The following MAD2L1BP variants were observed in gnomAD, a reference collection of about 807,000 sequenced individuals.
MAD2L1BP encodes the protein MAD2L1 binding protein.
Under a neutral mutation model 28.4 loss-of-function variants are expected in MAD2L1BP, and 22 were observed. That is an observed-to-expected ratio of 0.77 (90% CI 0.55 to 1.10). The LOEUF (loss-of-function observed/expected upper bound fraction) is 1.10. Ranked by LOEUF, MAD2L1BP falls within the 50% of genes least tolerant of loss-of-function variation. The pLI, the probability that MAD2L1BP is intolerant of heterozygous loss-of-function variation, is 0.00. For missense variants in MAD2L1BP, 325 were observed against 350.5 expected, an observed-to-expected ratio of 0.93 and a Z score of 0.58; for synonymous variants, 146 against 133.7, an observed-to-expected ratio of 1.09 and a Z score of -0.63.
chr6:43,638,148 T>C (rs1770355409), intron 2 of MAD2L1BP, among the ~76,000 whole-genome samples: 1 of 152,084 alleles, frequency 6.6e-6, no homozygotes, highest in Non-Finnish European at 1.5e-5. Context: ...TCCGCCCGCC[T>C]TGGCCTCCCA....
rs148955961 is a variant in MAD2L1BP at position 43,640,224 on chromosome 6, G to A, written c.516G>A (p.Leu172=). Residue 172 remains leucine, a synonymous_variant, in exon 3 of 3, where the codon CTG becomes CTA. Transcript: ENST00000372171. ...TCTATGAACTCGACTTGTCTCTGCT[G>A]GCCCCCTACAGCGTGGACCAGAGCC... The part of the protein sequence containing the change: ...KEFYELDLSL[L]APYSVDQSLS... 3 of 1,613,950 alleles carry A rather than the reference G, an allele frequency of 1.9e-6. No individual in the cohort carries two copies. Among genetic ancestry groups the A allele is most frequent in the African/African-American group, 2.7e-5 (2 of 75,038 alleles).
chr6:43,636,361 T>A lies in MAD2L1BP; in HGVS notation c.47-20T>A. The A allele has an allele frequency of 3.7e-6, 6 of 1,612,422 alleles. No individual in the cohort carries two copies. The highest frequency in any genetic ancestry group is 5.1e-6 in the Non-Finnish European group (6 of 1,178,988). ...TTAGGTTTTTAATTTTTCTCTCTTG[T>A]CCCTCTTTTCATCTACCAGATTTGG... On this transcript the variant is annotated intron_variant, in intron 1 of 2. Coordinates refer to ENST00000372171, the MANE Select transcript of MAD2L1BP (RefSeq NM_014628.3).
intron 2 of MAD2L1BP, among the ~76,000 whole-genome samples, chr6:43,637,141 T>A (rs1770273756): frequency 6.6e-6 from 1 of 152,210 alleles, no homozygotes; most frequent in African/African-American, 2.4e-5. Context: ...CTCGGCTCAC[T>A]GCAGCCTCCA....
At chr6:43,635,387 C>T (rs955080276), upstream of MAD2L1BP, among the ~76,000 whole-genome samples, 1 of 152,232 alleles carries the variant, frequency 6.6e-6, no homozygotes, top group African/African-American at 2.4e-5. Flanking sequence ...ACCACTCCTT[C>T]CCAGCCCCTA....
chr6:43,635,951 C>T, intron 1 of MAD2L1BP, 30 bp downstream of exon 1: 3 of 1,531,926 alleles, frequency 2.0e-6, no homozygotes, highest in South Asian at 1.2e-5. Context: ...GTTTGGGGAG[C>T]CTTGGGGACT....
chr6:43,636,649 A>G lies in MAD2L1BP; in HGVS notation c.312+3A>G, dbSNP rs778101558. On this transcript the variant is annotated splice_donor_region_variant and intron_variant, in intron 2 of 2. Transcript: ENST00000372171. The stretch of plus-strand genomic sequence containing the variant: ...TTTACCGAAAACCTTCTCCCCAGGT[A>G]GGCACAGGCTTTGGGAGCAAGTTGG... 2.5e-6 allele frequency: 4 copies of G among 1,610,808 alleles called. No homozygotes were observed. The highest frequency in any genetic ancestry group is 3.4e-6 in the Non-Finnish European group (4 of 1,177,262).
Position 43,640,379 on chromosome 6 carries a change from A to G in MAD2L1BP, c.671A>G (p.Asp224Gly). ...CAGGGACACCGCAACTGTGGAGAAG[A>G]TTGGTTTCGACCCAAGCTCAACTAT... is the stretch of plus-strand genomic sequence containing the variant. Reference protein sequence around the residue: ...MAQGHRNCGEDWFRPKLNYRV... With the variant: ...MAQGHRNCGEGWFRPKLNYRV... Residue 224 changes from aspartate to glycine, a missense_variant, in exon 3 of 3, where the codon GAT becomes GGT. Asp to Gly is a moderately conservative substitution (Grantham distance 94, BLOSUM62 -1). Transcript: ENST00000372171. The G allele has an allele frequency of 2.5e-6, 4 of 1,613,934 alleles. No individual in the cohort carries two copies. Among genetic ancestry groups the G allele is most frequent in the Non-Finnish European group, 3.4e-6 (4 of 1,179,990 alleles).
Position 43,640,640 on chromosome 6 carries a change from G to A in MAD2L1BP, c.*107G>A, listed in dbSNP as rs1173110309. 7.9e-7 allele frequency: 1 copy of A among 1,259,524 alleles called. No homozygotes were observed. Among genetic ancestry groups the A allele is most frequent in the Non-Finnish European group, 1.1e-6 (1 of 928,160 alleles). 78.0% of individuals were successfully genotyped at this position (1,259,524 alleles called of 1,614,324 possible). A position where few individuals can be genotyped will look rare whatever the true frequency, so the allele number is the denominator to read the frequency against. On this transcript the variant is annotated 3_prime_UTR_variant, in exon 3 of 3. Coordinates refer to ENST00000372171, the MANE Select transcript of MAD2L1BP (RefSeq NM_014628.3). ...CTAGAGTTGCTTCCTGGTGAGAGAG[G>A]AAGCAACTCTCCTTCTGGTTGTCTG...
intron 1 of MAD2L1BP, chr6:43,629,836 G>A: frequency 6.6e-7 from 1 of 1,514,886 alleles, no homozygotes. Flanking sequence ...GTTATTGTTG[G>A]GATGATTATG....
intron 1 of MAD2L1BP, chr6:43,629,832 G>T: frequency 6.5e-7 from 1 of 1,527,500 alleles, no homozygotes; most frequent in Non-Finnish European, 8.8e-7. Context: ...GGCTGTTATT[G>T]TTGGGATGAT....
upstream of MAD2L1BP, among the ~76,000 whole-genome samples, chr6:43,633,597 G>A (rs1168021999): frequency 6.6e-6 from 1 of 152,086 alleles, no homozygotes; most frequent in African/African-American, 2.4e-5. Context: ...GTAGGGACAA[G>A]GTCTCATTAT....
At chr6:43,634,437 C>G (rs1302508419), upstream of MAD2L1BP, among the ~76,000 whole-genome samples, 1 of 152,148 alleles carries the variant, frequency 6.6e-6, no homozygotes, top group Non-Finnish European at 1.5e-5. Flanking sequence ...CAATCTTGTC[C>G]TGGCTGGTAT....
exon 1 of MAD2L1BP, chr6:43,629,547 T>G: frequency 1.5e-6 from 1 of 648,900 alleles, no homozygotes; most frequent in Non-Finnish European, 2.8e-6. Flanking sequence ...TTGGGGGGAA[T>G]TTAGAGCCTC....
At chr6:43,633,323 C>A, upstream of MAD2L1BP, 2 of 328,452 alleles carry the variant, frequency 6.1e-6, no homozygotes, top group South Asian at 2.2e-5. Context: ...TAGGTATGCA[C>A]CAGCACGCCT....
rs2127861661 is a variant in MAD2L1BP, at chr6:43,636,541, CTGTCAGTTT to C, written c.208_216del (p.Cys70_Phe72del). 1 of 1,614,182 alleles carries C rather than the reference CTGTCAGTTT, an allele frequency of 6.2e-7. No homozygotes were observed. The highest frequency in any genetic ancestry group is 8.5e-7 in the Non-Finnish European group (1 of 1,180,038). Reference sequence around the variant, plus strand: ...CTGGGCCTGTGAGCCAGGAAGGCTGCTGTCAGTTTACTTGTGAACTTCTAAAGCATATCA... The same window carrying C: ...CTGGGCCTGTGAGCCAGGAAGGCTGCACTTGTGAACTTCTAAAGCATATCA... On this transcript the variant is annotated inframe_deletion, in exon 2 of 3. Coordinates refer to ENST00000372171, the MANE Select transcript of MAD2L1BP (RefSeq NM_014628.3).
chr6:43,629,764 G>A (rs375984452), exon 1 of MAD2L1BP: 28 of 1,560,104 alleles, frequency 1.8e-5, no homozygotes, highest in East Asian at 1.2e-4. Context: ...CCCGCGTGCC[G>A]CTGGGGTGAG....
At chr6:43,633,637 T>C (rs1770047319), upstream of MAD2L1BP, among the ~76,000 whole-genome samples, 1 of 151,342 alleles carries the variant, frequency 6.6e-6, no homozygotes, top group Admixed American at 6.6e-5. Flanking sequence ...AACTTCTGGA[T>C]TGATGCACTC....
intron 2 of MAD2L1BP, among the ~76,000 whole-genome samples, chr6:43,639,312 T>C (rs1462812018): frequency 6.6e-6 from 1 of 152,140 alleles, no homozygotes; most frequent in Non-Finnish European, 1.5e-5. Flanking sequence ...GCTAATTTTT[T>C]GTATTTTTAG....
chr6:43,629,793 C>A, intron 1 of MAD2L1BP: 1 of 1,562,792 alleles, frequency 6.4e-7, no homozygotes, highest in Admixed American at 1.9e-5. Flanking sequence ...AACGCCAGGG[C>A]GGAGGCGGAT....
Sources: gnomAD v4.1 joint callset for allele counts (sites outside exome capture counted in the v4.1 genomes callset) on GRCh38, gnomAD v4.1.1 for gene constraint, MANE v1.5 for transcripts, NCBI Gene and HGNC (gene_info 2026-07-23, HGNC 2026-07-21) for gene names.